Variants in SLFN12L observed in about 807,000 individuals in gnomAD.
SLFN12L encodes the protein schlafen family member 12-like.
In SLFN12L, 34 loss-of-function variants were observed where a neutral mutation model predicts 34.8. The observed-to-expected ratio is 0.98, with a 90% CI of 0.74 to 1.30. The LOEUF (loss-of-function observed/expected upper bound fraction) is 1.30, where lower values mean the gene tolerates loss of function less well. SLFN12L is among the 50% of genes most tolerant of loss of function. The probability of loss-of-function intolerance (pLI) is 0.00; values close to 1 mark genes in which losing one functional copy is unlikely to be tolerated. For missense variants in SLFN12L, 703 were observed against 696.2 expected (o/e 1.01, Z -0.11); for synonymous variants, 259 against 247.5 (o/e 1.05, Z -0.44).
chr17:35,530,421 GGAAGGAAGGGAAGGGAAGGGAAGAAA>G lies in SLFN12L; in HGVS notation c.-606+7126_-606+7151del, dbSNP rs2072385889. Among the ~76,000 whole-genome samples the G allele has an allele frequency of 5.5e-3, 55 of 9,918 alleles. 3 individuals carry two copies. Among genetic ancestry groups the G allele is most frequent in the South Asian group, 0.019 (5 of 262 alleles). The allele number at this position is 9,918 out of a possible 152,430, so 6.5% of individuals were successfully genotyped here. On this transcript the variant is annotated intron_variant, in intron 1 of 4. Coordinates refer to ENST00000628453, the MANE Select transcript of SLFN12L (RefSeq NM_001363830.2). ...AGGAAGGAAGGAAGGAAGGAAGGAAGGAAGGAAGGGAAGGGAAGGGAAGAAAGAAAGAAAGAAAGAAAGAAAGAAAG... is the reference window on the plus strand; with the variant it reads ...AGGAAGGAAGGAAGGAAGGAAGGAAGGAAAGAAAGAAAGAAAGAAAGAAAG...
chr17:35,482,135 G>C (rs1914367953), intron 2 of SLFN12L, among the ~76,000 whole-genome samples: 3 of 152,164 alleles, frequency 2.0e-5, no homozygotes, highest in Non-Finnish European at 4.4e-5. Context: ...CAAAGTTTTG[G>C]GATTACAGGC....
At chr17:35,498,461 C>A (rs186314147) in intron 2 of SLFN12L, 4 of 1,270,480 alleles carry the variant, frequency 3.1e-6, no homozygotes, top group South Asian at 1.2e-5. Context: ...ATTTTCTCAT[C>A]GATTCTGATT....
chr17:35,467,185 A>G lies in SLFN12L; in HGVS notation c.*7738T>C, dbSNP rs1913729594. On this transcript the variant is annotated 3_prime_UTR_variant, in exon 5 of 5. Transcript: ENST00000628453. ...AAGCTCCTTTGGATTGACTGAGTGA[A>G]CAGCAATAGAAGTTCACGGACTATA... is the stretch of plus-strand genomic sequence containing the variant. 6.6e-6 allele frequency among the ~76,000 whole-genome samples: 1 copy of G among 152,242 alleles called. No individual in the cohort carries two copies. Among genetic ancestry groups the G allele is most frequent in the South Asian group, 2.1e-4 (1 of 4,830 alleles).
intron 1 of SLFN12L, among the ~76,000 whole-genome samples, chr17:35,523,203 T>C (rs1161367652): frequency 6.6e-6 from 1 of 152,206 alleles, no homozygotes; most frequent in Non-Finnish European, 1.5e-5. Context: ...GAGACTTTGC[T>C]CTCTCATTTG....
intron 1 of SLFN12L, among the ~76,000 whole-genome samples, chr17:35,525,640 C>T (rs908813251): frequency 1.3e-5 from 2 of 152,154 alleles, no homozygotes; most frequent in Non-Finnish European, 2.9e-5. Context: ...AAATAAAATC[C>T]TTTACAGACA....
Position 35,519,048 on chromosome 17 carries a change from T to A in SLFN12L, c.86+3231A>T, listed in dbSNP as rs1915923385. On this transcript the variant is annotated intron_variant, in intron 2 of 4. Transcript: ENST00000628453. ...TTCATGTCCTTTGCAAAGACGTGGA[T>A]GAAGCTGGAAGCCATGATTCTCAGC... Among the ~76,000 whole-genome samples the A allele has an allele frequency of 2.6e-5, 4 of 152,154 alleles. No homozygotes were observed. In the South Asian group the frequency reaches 8.3e-4, roughly 32 times the overall value.
At chr17:35,502,161 C>T (rs1395351591) in intron 2 of SLFN12L, among the ~76,000 whole-genome samples, 4 of 151,836 alleles carry the variant, frequency 2.6e-5, no homozygotes, top group Admixed American at 6.6e-5. Context: ...AAATTTAAAA[C>T]CTATAATTGA....
rs1915770767 is a variant in SLFN12L, at chr17:35,515,136, G to C, written c.86+7143C>G. 8.0e-6 allele frequency: 5 copies of C among 627,282 alleles called. 1 individual carries two copies. Among genetic ancestry groups the C allele is most frequent in the South Asian group, 4.1e-5 (3 of 73,228 alleles). The allele number at this position is 627,282 out of a possible 1,614,324, so 38.9% of individuals were successfully genotyped here. The stretch of plus-strand genomic sequence containing the variant: ...TGCGGTCGAAGTAGATGCAGTACCC[G>C]ATGAAAAGGGCCCCGAATACTCCAG... On this transcript the variant is annotated intron_variant, in intron 2 of 4. Coordinates refer to ENST00000628453, the MANE Select transcript of SLFN12L (RefSeq NM_001363830.2).
At position 35,473,216 on chromosome 17, in the gene SLFN12L, C is replaced by T. The variant is rs938731005; in HGVS notation, c.*1707G>A. Among the ~76,000 whole-genome samples the T allele has an allele frequency of 1.3e-5, 2 of 152,182 alleles. No individual in the cohort carries two copies. Among genetic ancestry groups the T allele is most frequent in the South Asian group, 2.1e-4 (1 of 4,838 alleles). ...AATAGGAGTGGTGAGAGAGGGCATT[C>T]TTGTCTTGTGCCAATTTTCAAAGGG... On this transcript the variant is annotated 3_prime_UTR_variant, in exon 5 of 5. Coordinates refer to ENST00000628453, the MANE Select transcript of SLFN12L (RefSeq NM_001363830.2).
intron 2 of SLFN12L, chr17:35,499,173 G>A (rs1327164417): frequency 3.2e-6 from 3 of 936,610 alleles, no homozygotes; most frequent in African/African-American, 1.7e-5. Context: ...TATTCTGGAG[G>A]AGGATGTGTG....
chr17:35,513,800 G>A (rs761160387), intron 2 of SLFN12L, among the ~76,000 whole-genome samples: 1 of 152,118 alleles, frequency 6.6e-6, no homozygotes, highest in Non-Finnish European at 1.5e-5. Context: ...AGATCATCGC[G>A]GTTACCTTAA....
chr17:35,494,646 T>A (rs1350136893), intron 2 of SLFN12L, among the ~76,000 whole-genome samples: 1 of 151,954 alleles, frequency 6.6e-6, no homozygotes, highest in Non-Finnish European at 1.5e-5. Context: ...AGCAGACCAA[T>A]GGGACAGCAG....
In SLFN12L at chr17:35,530,496, G is replaced by T. The variant is rs1385170924; in HGVS notation, c.-606+7077C>A. 5.7e-4 allele frequency among the ~76,000 whole-genome samples: 22 copies of T among 38,454 alleles called. 1 individual carries two copies. The highest frequency in any genetic ancestry group is 1.6e-3 in the African/African-American group (22 of 14,148). The allele number at this position is 38,454 out of a possible 152,430, so 25.2% of individuals were successfully genotyped here. Reference sequence around the variant, plus strand: ...AGAAAGAAAGAAAGAAAGAAAGAAAGAAAGAAAGAAAGAAAGAAAAGAAAA... The same window carrying T: ...AGAAAGAAAGAAAGAAAGAAAGAAATAAAGAAAGAAAGAAAGAAAAGAAAA... On this transcript the variant is annotated intron_variant, in intron 1 of 4. Transcript: ENST00000628453.
intron 2 of SLFN12L, chr17:35,499,236 T>A: frequency 3.4e-6 from 3 of 892,462 alleles, no homozygotes; most frequent in Non-Finnish European, 4.9e-6. Context: ...TAGAATGTCC[T>A]TACCAAACAC....
intron 1 of SLFN12L, among the ~76,000 whole-genome samples, chr17:35,533,897 A>G (rs56341754): frequency 0.018 from 2,679 of 152,146 alleles, 29 homozygotes; most frequent in Middle Eastern, 0.071. Context: ...CCTGGCCAAC[A>G]TAGTGAAACC....
chr17:35,508,212 C>T (rs1915525708), intron 2 of SLFN12L, among the ~76,000 whole-genome samples: 1 of 152,236 alleles, frequency 6.6e-6, no homozygotes, highest in South Asian at 2.1e-4. Flanking sequence ...TGTGGACCCC[C>T]TTAGAGCTGT....
chr17:35,509,772 A>G (rs1263391354), intron 2 of SLFN12L, among the ~76,000 whole-genome samples: 1 of 151,342 alleles, frequency 6.6e-6, no homozygotes, highest in East Asian at 1.9e-4. Flanking sequence ...ATCTCAGCTC[A>G]CTGCAAGCTC....
chr17:35,491,313 T>A (rs1405431572), intron 2 of SLFN12L: 8 of 555,798 alleles, frequency 1.4e-5, no homozygotes, highest in African/African-American at 9.6e-5. Context: ...TGTCATGCAA[T>A]GTTGTCCCTT....
In SLFN12L at chr17:35,472,064, A is replaced by G. The variant is rs752537859; in HGVS notation, c.*2859T>C. Among the ~76,000 whole-genome samples the G allele has an allele frequency of 1.2e-4, 19 of 152,178 alleles. No individual in the cohort carries two copies. The highest frequency in any genetic ancestry group is 2.2e-4 in the Non-Finnish European group (15 of 68,036). On this transcript the variant is annotated 3_prime_UTR_variant, in exon 5 of 5. Coordinates refer to ENST00000628453, the MANE Select transcript of SLFN12L (RefSeq NM_001363830.2). ...CCCTGTACAGAAGCTCTTTAGTTTA[A>G]TTAGATCCCGTTTGTCAACTTTGGC...
Sources: gnomAD v4.1 joint callset for allele counts (sites outside exome capture counted in the v4.1 genomes callset) on GRCh38, gnomAD v4.1.1 for gene constraint, MANE v1.5 for transcripts, NCBI Gene and HGNC (gene_info 2026-07-23, HGNC 2026-07-21) for gene names.